FBXL16: variants seen among roughly 807,000 people sequenced by gnomAD.
FBXL16 encodes the protein F-box and leucine rich repeat protein 16, also known as F-box/LRR-repeat protein 16.
Under a neutral mutation model 36.7 loss-of-function variants are expected in FBXL16, and 7 were observed. The ratio of observed to expected loss-of-function variants is 0.19; its 90% CI spans 0.11 to 0.36. The LOEUF (loss-of-function observed/expected upper bound fraction) is 0.36. Among genes scored for constraint, FBXL16 ranks in the 10% least tolerant of loss-of-function variants. The probability of loss-of-function intolerance (pLI) is 1.00; values close to 1 mark genes in which losing one functional copy is unlikely to be tolerated. For missense variants in FBXL16, 463 were observed against 659.4 expected (o/e 0.70, Z 3.26); for synonymous variants, 355 against 308.7 (o/e 1.15, Z -1.57).
intron 1 of FBXL16, among the ~76,000 whole-genome samples, chr16:702,544 G>A (rs778960000): frequency 2.6e-5 from 4 of 152,216 alleles, no homozygotes; most frequent in Non-Finnish European, 5.9e-5. Context: ...GAATGAATGC[G>A]GAATGTGGCT....
At position 695,606 on chromosome 16, in the gene FBXL16, G is replaced by A. The variant is rs749237893; in HGVS notation, c.951C>T (p.His317=). ...ITNHGVVNVV[H]SLPNLTALSL... ...TGAGCGCGGTGAGGTTGGGCAGGCT[G>A]TGCACCACGTTGACCACGCCGTGGT... Residue 317 remains histidine, a synonymous_variant, in exon 3 of 6, where the codon CAC becomes CAT. Transcript: ENST00000397621. The A allele has an allele frequency of 1.9e-6, 3 of 1,606,556 alleles. No homozygotes were observed. The Admixed American group carries it at 5.0e-5, about 27-fold the overall frequency.
chr16:704,333 C>A (rs7185681), intron 1 of FBXL16, among the ~76,000 whole-genome samples: 4 of 152,062 alleles, frequency 2.6e-5, no homozygotes, highest in Non-Finnish European at 5.9e-5. Context: ...GTGAGTCTGT[C>A]GATGGAGGGG....
chr16:705,160 G>C (rs61539308), intron 1 of FBXL16, among the ~76,000 whole-genome samples: 1 of 152,156 alleles, frequency 6.6e-6, no homozygotes, highest in Non-Finnish European at 1.5e-5. Context: ...TGTCACTTCG[G>C]TCCGGGGGCG....
intron 4 of FBXL16, 124 bp from the exon 5 acceptor site, chr16:694,821 G>A: frequency 6.8e-6 from 9 of 1,314,248 alleles, no homozygotes; most frequent in South Asian, 2.6e-5. Context: ...GGAGCCGGGA[G>A]GCGGCTGGGA....
At position 695,170 on chromosome 16, in the gene FBXL16, C is replaced by T. The variant is rs748469236; in HGVS notation, c.1143-94G>A. On this transcript the variant is annotated intron_variant, in intron 3 of 5. Coordinates refer to ENST00000397621, the MANE Select transcript of FBXL16 (RefSeq NM_153350.4). Reference sequence around the variant, plus strand: ...GAGTGCCCCTGGCGTGAATCCCTTCCTGCCCCACCCGGAGCAGCCGCTGGC... The same window carrying T: ...GAGTGCCCCTGGCGTGAATCCCTTCTTGCCCCACCCGGAGCAGCCGCTGGC... 33 of 1,343,600 alleles carry T rather than the reference C, an allele frequency of 2.5e-5. No homozygotes were observed. The South Asian group carries it at 4.0e-4, about 16-fold the overall frequency. 83.2% of individuals were successfully genotyped at this position (1,343,600 alleles called of 1,614,324 possible). A position where few individuals can be genotyped will look rare whatever the true frequency, so the allele number is the denominator to read the frequency against.
In FBXL16 at chr16:699,980, C is replaced by T. The variant is rs990908472; in HGVS notation, c.-14-2561G>A. ...TCCACCACAGAGAGTGGCGGGGTCT[C>T]GGACGGCACTGCAACCCCAAGGCCC... is the stretch of plus-strand genomic sequence containing the variant. On this transcript the variant is annotated intron_variant, in intron 1 of 5. Coordinates refer to ENST00000397621, the MANE Select transcript of FBXL16 (RefSeq NM_153350.4). Among the ~76,000 whole-genome samples the T allele has an allele frequency of 2.6e-5, 4 of 152,134 alleles. 1 individual carries two copies. In the South Asian group the frequency reaches 6.2e-4, roughly 24 times the overall value.
In FBXL16 at chr16:694,233, A is replaced by C. The variant is rs1480817675; in HGVS notation, c.*42T>G. On this transcript the variant is annotated 3_prime_UTR_variant, in exon 6 of 6. Coordinates refer to ENST00000397621, the MANE Select transcript of FBXL16 (RefSeq NM_153350.4). ...TCGGCGGCGCCCCGCGCCCCCGCCCAGGTCATGGCCGGGTTCCCGCGACCG... is the reference window on the plus strand; with the variant it reads ...TCGGCGGCGCCCCGCGCCCCCGCCCCGGTCATGGCCGGGTTCCCGCGACCG... 4 of 1,262,428 alleles carry C rather than the reference A, an allele frequency of 3.2e-6. No homozygotes were observed. The highest frequency in any genetic ancestry group is 4.1e-5 in the Admixed American group (1 of 24,562). 78.2% of individuals were successfully genotyped at this position (1,262,428 alleles called of 1,614,324 possible).
In FBXL16 at chr16:704,610, G is replaced by T. The variant is rs1178099719; in HGVS notation, c.-15+902C>A. On this transcript the variant is annotated intron_variant, in intron 1 of 5. Transcript: ENST00000397621. Reference sequence around the variant, plus strand: ...CAGGCCTATCTGCTCCAAGGCTGCTGTCCAGCACCCCACAGAGGGGGTGGG... The same window carrying T: ...CAGGCCTATCTGCTCCAAGGCTGCTTTCCAGCACCCCACAGAGGGGGTGGG... Among the ~76,000 whole-genome samples the T allele has an allele frequency of 2.0e-5, 3 of 152,224 alleles. No homozygotes were observed. The East Asian group carries it at 5.8e-4, about 29-fold the overall frequency.
At position 697,346 on chromosome 16, in the gene FBXL16, C is replaced by G; in HGVS notation, c.60G>C (p.Leu20=). 6.5e-7 allele frequency: 1 copy of G among 1,536,380 alleles called. No individual in the cohort carries two copies. Residue 20 remains leucine (L), a synonymous_variant, in exon 2 of 6, where the codon CTG becomes CTC. Transcript: ENST00000397621. The surrounding 1 kb of genome is among the most constrained non-coding windows in gnomAD (Gnocchi z 4.6). ...PKPPCLPRNG[L]VKLPGQPNGL... is the part of the protein sequence containing the mutation. ...CGTTGGGCTGGCCCGGCAGCTTCAC[C>G]AGACCGTTTCGAGGCAAGCATGGAG...
At chr16:702,840 C>G (rs1487235897) in intron 1 of FBXL16, among the ~76,000 whole-genome samples, 3 of 152,200 alleles carry the variant, frequency 2.0e-5, no homozygotes, top group Non-Finnish European at 1.5e-5. Context: ...TCAGCTGGCT[C>G]TCTCTTCAGG....
At chr16:702,008 G>A (rs918975534) in intron 1 of FBXL16, among the ~76,000 whole-genome samples, 2 of 152,160 alleles carry the variant, frequency 1.3e-5, no homozygotes, top group African/African-American at 2.4e-5. Flanking sequence ...CCCAGGGGAC[G>A]CAGTGTGAAG....
chr16:703,234 C>T (rs1018184683), intron 1 of FBXL16, among the ~76,000 whole-genome samples: 4 of 152,148 alleles, frequency 2.6e-5, no homozygotes, highest in Non-Finnish European at 4.4e-5. Flanking sequence ...CCTGCCACGG[C>T]GCTGCATTCC....
chr16:701,391 G>A (rs1341637022), intron 1 of FBXL16, among the ~76,000 whole-genome samples: 1 of 152,174 alleles, frequency 6.6e-6, no homozygotes, highest in Non-Finnish European at 1.5e-5. Flanking sequence ...CGTTCCTGCC[G>A]GCCCCCGCTG....
intron 2 of FBXL16, 38 bp from the exon 3 acceptor site, chr16:695,961 A>G (rs748154237): frequency 2.1e-5 from 33 of 1,547,270 alleles, no homozygotes; most frequent in Admixed American, 5.4e-5. Flanking sequence ...ATTGCAGGAG[A>G]AGGGGTGGAG....
At chr16:704,462 T>A (rs1042938175) in intron 1 of FBXL16, among the ~76,000 whole-genome samples, 1 of 152,158 alleles carries the variant, frequency 6.6e-6, no homozygotes, top group African/African-American at 2.4e-5. Context: ...GCCTTGAATT[T>A]CCCTCCCCTC....
At chr16:699,793 C>T (rs1394105715) in intron 1 of FBXL16, among the ~76,000 whole-genome samples, 5 of 152,112 alleles carry the variant, frequency 3.3e-5, no homozygotes, top group African/African-American at 1.2e-4. Context: ...CTGCCACAGC[C>T]TCACTGGAAG....
At chr16:704,842 C>A (rs1462085992) in intron 1 of FBXL16, among the ~76,000 whole-genome samples, 5 of 152,372 alleles carry the variant, frequency 3.3e-5, no homozygotes, top group African/African-American at 1.2e-4. Flanking sequence ...GTTCCTGAAG[C>A]TGCCACCGCA....
At position 695,077 on chromosome 16, in the gene FBXL16, C is replaced by G; in HGVS notation, c.1143-1G>C. On this transcript the variant is annotated splice_acceptor_variant, in intron 3 of 5. Coordinates refer to ENST00000397621, the MANE Select transcript of FBXL16 (RefSeq NM_153350.4). LOFTEE classifies it high-confidence loss of function. ...GCCAGTGTCCGTGATGCGTACACAC[C>G]TGTGGTTGCACCAGAGGGGACCCCC... 1 of 1,607,026 alleles carries G rather than the reference C, an allele frequency of 6.2e-7. No individual in the cohort carries two copies. Among genetic ancestry groups the G allele is most frequent in the Non-Finnish European group, 8.5e-7 (1 of 1,176,984 alleles).
intron 3 of FBXL16, 169 bp from the exon 4 acceptor site, chr16:695,245 G>C: frequency 8.7e-7 from 1 of 1,154,910 alleles, no homozygotes; most frequent in Non-Finnish European, 1.2e-6. Context: ...GCCAACCCGT[G>C]CTGCGGTTCT....
Sources: gnomAD v4.1 joint callset for allele counts (sites outside exome capture counted in the v4.1 genomes callset) on GRCh38, gnomAD v4.1.1 for gene constraint, Gnocchi (gnomAD v3.1) non-coding constraint, MANE v1.5 for transcripts, NCBI Gene and HGNC (gene_info 2026-07-23, HGNC 2026-07-21) for gene names.